The following MXI1 variants were observed in gnomAD, a reference collection of about 807,000 sequenced individuals.
The protein encoded by MXI1 is max-interacting protein 1.
MXI1 carries 18 observed loss-of-function variants against 36.9 expected under a neutral mutation model. The observed-to-expected ratio is 0.49, with a 90% CI of 0.34 to 0.72. The LOEUF (loss-of-function observed/expected upper bound fraction) is 0.72. Among genes scored for constraint, MXI1 ranks in the 30% least tolerant of loss-of-function variants. The pLI is 0.01. For missense variants in MXI1, 304 were observed against 379.1 expected (o/e 0.80, Z 1.64); for synonymous variants, 160 against 146.7 (o/e 1.09, Z -0.65).
chr10:110,283,212 G>GTA (rs1857320378), intron 5 of MXI1, among the ~76,000 whole-genome samples: 2 of 151,504 alleles, frequency 1.3e-5, no homozygotes, highest in African/African-American at 4.9e-5. Context: ...CTTTTGAAAA[G>GTA]TATATTCCTG....
At chr10:110,245,492 C>A (rs1227767637) in intron 3 of MXI1, among the ~76,000 whole-genome samples, 1 of 152,048 alleles carries the variant, frequency 6.6e-6, no homozygotes, top group East Asian at 1.9e-4. Context: ...TCACCTGATA[C>A]CTTTTTGAAG....
chr10:110,269,151 G>C (rs2134447026), intron 3 of MXI1, among the ~76,000 whole-genome samples: 1 of 152,304 alleles, frequency 6.6e-6, no homozygotes, highest in East Asian at 1.9e-4. Flanking sequence ...TTTGCCATCT[G>C]CCAGTAGTAA....
intron 1 of MXI1, among the ~76,000 whole-genome samples, chr10:110,225,751 G>A (rs766162430): frequency 7.2e-5 from 11 of 152,144 alleles, no homozygotes; most frequent in Non-Finnish European, 1.5e-4. Flanking sequence ...TTCCCTCCCA[G>A]AAGCAAAGTC....
At chr10:110,235,753 G>A (rs1307235137) in intron 2 of MXI1, among the ~76,000 whole-genome samples, 1 of 151,924 alleles carries the variant, frequency 6.6e-6, no homozygotes. Flanking sequence ...GCTTATGCCT[G>A]TGTTCCCAAC....
chr10:110,217,108 C>T (rs1854671233), intron 1 of MXI1, among the ~76,000 whole-genome samples: 1 of 152,054 alleles, frequency 6.6e-6, no homozygotes, highest in East Asian at 1.9e-4. Flanking sequence ...AGATAGGGGC[C>T]TTCTGCACTT....
chr10:110,234,667 C>A (rs1282800708), intron 2 of MXI1, among the ~76,000 whole-genome samples: 1 of 152,020 alleles, frequency 6.6e-6, no homozygotes, highest in African/African-American at 2.4e-5. Context: ...TAGGAAATTG[C>A]TGATATTTTC....
At chr10:110,211,631 CGTACTG>C (rs1255771674) in intron 1 of MXI1, among the ~76,000 whole-genome samples, 1 of 152,200 alleles carries the variant, frequency 6.6e-6, no homozygotes, top group Non-Finnish European at 1.5e-5. Flanking sequence ...TTGAGGTTTC[CGTACTG>C]GTAGTGTTCA....
intron 2 of MXI1, among the ~76,000 whole-genome samples, chr10:110,238,209 G>C (rs566215197): frequency 6.6e-6 from 1 of 152,288 alleles, no homozygotes; most frequent in South Asian, 2.1e-4. Context: ...TCAATTCCCA[G>C]TACTTCTCTC....
intron 3 of MXI1, among the ~76,000 whole-genome samples, chr10:110,247,005 T>C (rs1296461571): frequency 6.6e-6 from 1 of 152,162 alleles, no homozygotes. Flanking sequence ...AACATGTGGC[T>C]TTTATAGTTA....
intron 3 of MXI1, among the ~76,000 whole-genome samples, chr10:110,253,544 A>G (rs1015389726): frequency 1.3e-5 from 2 of 152,274 alleles, no homozygotes; most frequent in Non-Finnish European, 1.5e-5. Flanking sequence ...AAAAATGTAC[A>G]CTTGTTAGTA....
chr10:110,270,557 C>A (rs1856824782), intron 3 of MXI1, among the ~76,000 whole-genome samples: 1 of 152,018 alleles, frequency 6.6e-6, no homozygotes, highest in Admixed American at 6.5e-5. Context: ...ACTTAGCAAG[C>A]AGTCCATGGA....
At chr10:110,247,200 G>C (rs1048779822) in intron 3 of MXI1, among the ~76,000 whole-genome samples, 1 of 152,130 alleles carries the variant, frequency 6.6e-6, no homozygotes, top group South Asian at 2.1e-4. Flanking sequence ...AGAAGTGTCT[G>C]TCCATATCCT....
At chr10:110,254,334 A>T (rs1295625228) in intron 3 of MXI1, among the ~76,000 whole-genome samples, 2 of 152,148 alleles carry the variant, frequency 1.3e-5, no homozygotes, top group Non-Finnish European at 2.9e-5. Flanking sequence ...TAAGATGCAG[A>T]CTTAATAAAT....
intron 3 of MXI1, among the ~76,000 whole-genome samples, chr10:110,260,331 T>C (rs754857858): frequency 6.6e-6 from 1 of 152,016 alleles, no homozygotes; most frequent in African/African-American, 2.4e-5. Context: ...TTGTACAGTT[T>C]TGTGAATTTT....
At chr10:110,277,536 T>C (rs1022374616) in intron 3 of MXI1, among the ~76,000 whole-genome samples, 2 of 152,242 alleles carry the variant, frequency 1.3e-5, no homozygotes, top group Non-Finnish European at 2.9e-5. Flanking sequence ...AATGAAAATT[T>C]TGTTAAAGGT....
chr10:110,277,175 G>C (rs950807704), intron 3 of MXI1, among the ~76,000 whole-genome samples: 1 of 152,160 alleles, frequency 6.6e-6, no homozygotes, highest in African/African-American at 2.4e-5. Flanking sequence ...AAAAATAAAA[G>C]ATAATTCTTA....
At chr10:110,278,246 A>G (rs1202313648) in intron 3 of MXI1, among the ~76,000 whole-genome samples, 1 of 152,196 alleles carries the variant, frequency 6.6e-6, no homozygotes, top group South Asian at 2.1e-4. Context: ...TTTAGGGCAC[A>G]GGGAAGGTAA....
At chr10:110,261,192 T>C (rs1856497240) in intron 3 of MXI1, 1 of 947,534 alleles carries the variant, frequency 1.1e-6, no homozygotes, top group Non-Finnish European at 1.3e-6. Flanking sequence ...ACAATAAAAG[T>C]AGCTTTTAAA....
chr10:110,226,290 G>A lies in MXI1; in HGVS notation c.275-1899G>A, dbSNP rs1263090317. The A allele has an allele frequency of 4.7e-6, 7 of 1,494,912 alleles. No homozygotes were observed. The East Asian group carries it at 1.9e-4, about 41-fold the overall frequency. 92.6% of individuals were successfully genotyped at this position (1,494,912 alleles called of 1,614,324 possible). ...TTGGAGCGCCGGGAGCGAGGTAATG[G>A]CTGGGCGCCGCTGCGTGAGCCCGAG... On this transcript the variant is annotated intron_variant, in intron 1 of 5. Transcript: ENST00000332674.
Sources: gnomAD v4.1 joint callset for allele counts (sites outside exome capture counted in the v4.1 genomes callset) on GRCh38, gnomAD v4.1.1 for gene constraint, MANE v1.5 for transcripts, NCBI Gene and HGNC (gene_info 2026-07-23, HGNC 2026-07-21) for gene names.